CLSTN2: variants seen among roughly 807,000 people sequenced by gnomAD.
CLSTN2 encodes the protein calsyntenin 2.
Under a neutral mutation model 101.2 loss-of-function variants are expected in CLSTN2, and 48 were observed. The ratio of observed to expected loss-of-function variants is 0.47; its 90% CI spans 0.38 to 0.60. The LOEUF (loss-of-function observed/expected upper bound fraction) is 0.60. Ranked by LOEUF, CLSTN2 falls within the 20% of genes least tolerant of loss-of-function variation. CLSTN2 has a pLI of 0.00. For synonymous variants in CLSTN2, 481 were observed against 463.6 expected, an observed-to-expected ratio of 1.04 and a Z score of -0.48; for missense variants, 1,160 against 1,238.2, an observed-to-expected ratio of 0.94 and a Z score of 0.95.
At position 140,153,892 on chromosome 3, in the gene CLSTN2, T is replaced by G. The variant is rs538641030; in HGVS notation, c.110-22059T>G. 1.7e-3 allele frequency among the ~76,000 whole-genome samples: 257 copies of G among 152,262 alleles called. 2 individuals carry two copies. Among genetic ancestry groups the G allele is most frequent in the Non-Finnish European group, 3.1e-3 (214 of 68,004 alleles). ...GGGATCTACAAGAAGAGAGCTCATGTCTGAAGCTTTTCTGATCTCACTGAC... is the reference window on the plus strand; with the variant it reads ...GGGATCTACAAGAAGAGAGCTCATGGCTGAAGCTTTTCTGATCTCACTGAC... On this transcript the variant is annotated intron_variant, in intron 1 of 16. Transcript: ENST00000458420.
intron 1 of CLSTN2, among the ~76,000 whole-genome samples, chr3:140,110,427 G>T (rs2009135106): frequency 6.6e-6 from 1 of 152,180 alleles, no homozygotes; most frequent in African/African-American, 2.4e-5. Context: ...ACACCATGGG[G>T]CATCGTGTTA....
intron 2 of CLSTN2, among the ~76,000 whole-genome samples, chr3:140,335,802 A>G (rs1404143272): frequency 1.3e-5 from 2 of 152,218 alleles, no homozygotes; most frequent in African/African-American, 4.8e-5. Context: ...AAGGAAGTCA[A>G]TCCTTCAGAG....
chr3:140,365,092 G>C (rs191018634), intron 2 of CLSTN2, among the ~76,000 whole-genome samples: 239 of 152,326 alleles, frequency 1.6e-3, no homozygotes, highest in Non-Finnish European at 2.8e-3. Context: ...ATGAGTGTGA[G>C]TTAGCAGGAA....
intron 1 of CLSTN2, among the ~76,000 whole-genome samples, chr3:139,942,105 T>C (rs1453488460): frequency 6.6e-6 from 1 of 152,170 alleles, no homozygotes; most frequent in Non-Finnish European, 1.5e-5. Context: ...GATGTCTGCT[T>C]GAGGAAGGCT....
At chr3:140,361,732 G>A (rs549971779) in intron 2 of CLSTN2, among the ~76,000 whole-genome samples, 83 of 152,052 alleles carry the variant, frequency 5.5e-4, no homozygotes, top group African/African-American at 1.8e-3. Flanking sequence ...ATTCAAAATA[G>A]CATCAAAAAT....
chr3:139,951,346 C>A (rs1935290111), intron 1 of CLSTN2, among the ~76,000 whole-genome samples: 1 of 152,134 alleles, frequency 6.6e-6, no homozygotes, highest in Non-Finnish European at 1.5e-5. Context: ...GAAAATGTCA[C>A]CAGCTGGTGG....
chr3:139,977,346 G>A (rs1935835371), intron 1 of CLSTN2, among the ~76,000 whole-genome samples: 1 of 152,142 alleles, frequency 6.6e-6, no homozygotes, highest in Admixed American at 6.5e-5. Flanking sequence ...ACCTCATGGT[G>A]GGAGAACACC....
At chr3:140,240,217 C>CATATATATGCATATAT (rs1559816232) in intron 2 of CLSTN2, among the ~76,000 whole-genome samples, 2 of 29,860 alleles carry the variant, frequency 6.7e-5, no homozygotes, top group Non-Finnish European at 1.2e-4. Context: ...CACACACACA[C>CATATATATGCATATAT]ACACATATAT....
At position 140,200,595 on chromosome 3, in the gene CLSTN2, T is replaced by C. The variant is rs533282984; in HGVS notation, c.232+24522T>C. Among the ~76,000 whole-genome samples, 6 of 152,336 alleles carry C rather than the reference T, an allele frequency of 3.9e-5. No individual in the cohort carries two copies. The East Asian group carries it at 1.2e-3, about 29-fold the overall frequency. ...ATCAGGAAGGGTTAATAAGGCTATATTGACACGCACAATCCTGCTATTAAG... is the reference window on the plus strand; with the variant it reads ...ATCAGGAAGGGTTAATAAGGCTATACTGACACGCACAATCCTGCTATTAAG... On this transcript the variant is annotated intron_variant, in intron 2 of 16. Transcript: ENST00000458420.
intron 8 of CLSTN2, among the ~76,000 whole-genome samples, chr3:140,528,482 C>G (rs927168349): frequency 2.0e-5 from 3 of 152,184 alleles, no homozygotes; most frequent in Admixed American, 2.0e-4. Context: ...CTGTTATAAG[C>G]CTTTTTGTCA....
intron 1 of CLSTN2, among the ~76,000 whole-genome samples, chr3:139,936,657 A>G (rs868627831): frequency 6.6e-6 from 1 of 152,198 alleles, no homozygotes; most frequent in Non-Finnish European, 1.5e-5. Flanking sequence ...GGAAATGCCT[A>G]TCAGGCTGCA....
chr3:140,102,485 CAT>C (rs151083136), intron 1 of CLSTN2, among the ~76,000 whole-genome samples: 5,788 of 152,266 alleles, frequency 0.038, 141 homozygotes, highest in Middle Eastern at 0.085. Flanking sequence ...GATCATGAGA[CAT>C]ATTGCAAAGA....
chr3:140,264,799 T>A (rs1193596611), intron 2 of CLSTN2, among the ~76,000 whole-genome samples: 1 of 152,092 alleles, frequency 6.6e-6, no homozygotes, highest in Non-Finnish European at 1.5e-5. Flanking sequence ...AATGATGATT[T>A]TCATTGAACA....
intron 2 of CLSTN2, among the ~76,000 whole-genome samples, chr3:140,332,669 A>G (rs1003395556): frequency 2.0e-5 from 3 of 151,268 alleles, no homozygotes; most frequent in African/African-American, 7.3e-5. Flanking sequence ...CCTTCCTGTC[A>G]CACAGTGTAT....
chr3:140,297,495 G>A (rs533464446), intron 2 of CLSTN2, among the ~76,000 whole-genome samples: 5 of 152,310 alleles, frequency 3.3e-5, no homozygotes, highest in African/African-American at 1.2e-4. Flanking sequence ...ACAGACAGCA[G>A]GAATTGGCAA....
intron 1 of CLSTN2, among the ~76,000 whole-genome samples, chr3:140,005,899 C>G (rs999002459): frequency 6.6e-6 from 1 of 152,160 alleles, no homozygotes; most frequent in African/African-American, 2.4e-5. Context: ...TAGAAAGGTG[C>G]CAACCCACAC....
chr3:140,127,262 G>A (rs769344996), intron 1 of CLSTN2, among the ~76,000 whole-genome samples: 2 of 152,082 alleles, frequency 1.3e-5, no homozygotes, highest in African/African-American at 2.4e-5. Flanking sequence ...GGGGCAAATT[G>A]CTTAACCTCC....
At chr3:140,265,673 A>T (rs1242626996) in intron 2 of CLSTN2, among the ~76,000 whole-genome samples, 4 of 152,176 alleles carry the variant, frequency 2.6e-5, no homozygotes, top group Non-Finnish European at 5.9e-5. Context: ...TATCTGGAAA[A>T]AAGTAAAACC....
intron 12 of CLSTN2, among the ~76,000 whole-genome samples, chr3:140,559,248 G>A (rs1021277058): frequency 1.3e-5 from 2 of 151,700 alleles, no homozygotes; most frequent in African/African-American, 4.8e-5. Flanking sequence ...CATAACGAGA[G>A]CCCGTTTGTT....
Sources: gnomAD v4.1 joint callset for allele counts (sites outside exome capture counted in the v4.1 genomes callset) on GRCh38, gnomAD v4.1.1 for gene constraint, MANE v1.5 for transcripts, NCBI Gene and HGNC (gene_info 2026-07-23, HGNC 2026-07-21) for gene names.